The following NBEAL1 variants were observed in gnomAD, a reference collection of about 807,000 sequenced individuals.
NBEAL1 encodes neurobeachin-like protein 1.
Under a neutral mutation model 351.3 loss-of-function variants are expected in NBEAL1, and 273 were observed. The observed-to-expected ratio is 0.78, with a 90% confidence interval of 0.70 to 0.86. NBEAL1 has a LOEUF of 0.86. Among genes scored for constraint, NBEAL1 ranks in the 40% least tolerant of loss-of-function variants. NBEAL1 has a pLI of 0.00. For synonymous variants in NBEAL1, 1,050 were observed against 1,086.4 expected (o/e 0.97, Z 0.66); for missense variants, 2,961 against 3,201.3 (o/e 0.92, Z 1.81).
chr2:203,171,677 G>T (rs952577682), intron 39 of NBEAL1, among the ~76,000 whole-genome samples: 4 of 148,388 alleles, frequency 2.7e-5, no homozygotes, highest in Non-Finnish European at 3.0e-5. Context: ...AAAAGACAAG[G>T]TTTTTTTTTT....
intron 51 of NBEAL1, among the ~76,000 whole-genome samples, chr2:203,204,275 A>T: frequency 6.8e-6 from 1 of 146,852 alleles, no homozygotes. Context: ...TTTTAGTCTT[A>T]CTGAAATTGT....
rs1206699431 is a variant in NBEAL1 at position 203,068,484 on chromosome 2, C to T, written c.598+9C>T. The T allele has an allele frequency of 9.5e-6, 14 of 1,473,540 alleles. No individual in the cohort carries two copies. Among genetic ancestry groups the T allele is most frequent in the Non-Finnish European group, 1.1e-5 (12 of 1,077,636 alleles). The allele number at this position is 1,473,540 out of a possible 1,614,324, so 91.3% of individuals were successfully genotyped here. A position where few individuals can be genotyped will look rare whatever the true frequency, so the allele number is the denominator to read the frequency against. On this transcript the variant is annotated intron_variant, in intron 7 of 55. Transcript: ENST00000683969. ...CGTCCCTTTCTTTTATCGTAAGTAA[C>T]ACCTCTAATTTCTCTTGCTATGATT...
chr2:203,166,248 C>T lies in NBEAL1; in HGVS notation c.5814C>T (p.Ile1938=). The T allele has an allele frequency of 6.2e-7, 1 of 1,611,434 alleles. No homozygotes were observed. Among genetic ancestry groups the T allele is most frequent in the South Asian group, 1.1e-5 (1 of 90,178 alleles). ...IIDVIPGRLE[I]TTQHIYFYDG... is the part of the protein sequence containing the mutation. ...ATGTAATTCCTGGCAGATTAGAAATCACTACTCAACACATTTACTTCTATG... is the reference window on the plus strand; with the variant it reads ...ATGTAATTCCTGGCAGATTAGAAATTACTACTCAACACATTTACTTCTATG... The change falls in exon 37 of 56, where the codon ATC becomes ATT. Residue 1938 remains isoleucine (I), a synonymous_variant. Transcript: ENST00000683969.
chr2:203,109,030 A>C (rs927777668), intron 14 of NBEAL1, among the ~76,000 whole-genome samples: 2 of 152,116 alleles, frequency 1.3e-5, no homozygotes, highest in African/African-American at 4.8e-5. Flanking sequence ...TGACAAAGCA[A>C]GATTGTCTCA....
At chr2:203,164,505 A>G (rs2064070105) in intron 36 of NBEAL1, among the ~76,000 whole-genome samples, 1 of 152,056 alleles carries the variant, frequency 6.6e-6, no homozygotes, top group South Asian at 2.1e-4. Context: ...ACACTGAAGA[A>G]CCAAAATACT....
chr2:203,091,245 C>T (rs1253608515), intron 10 of NBEAL1, among the ~76,000 whole-genome samples: 2 of 152,110 alleles, frequency 1.3e-5, no homozygotes, highest in Non-Finnish European at 2.9e-5. Flanking sequence ...ATTTTTTCTT[C>T]GATGACTGCC....
chr2:203,109,067 T>C (rs1400482191), intron 14 of NBEAL1, among the ~76,000 whole-genome samples: 3 of 151,928 alleles, frequency 2.0e-5, no homozygotes, highest in Non-Finnish European at 4.4e-5. Flanking sequence ...ACTATGAAAA[T>C]GAATAATGGC....
At chr2:203,090,995 A>G (rs72934528) in intron 10 of NBEAL1, among the ~76,000 whole-genome samples, 33 of 152,310 alleles carry the variant, frequency 2.2e-4, no homozygotes, top group Middle Eastern at 3.4e-3. Flanking sequence ...GTTAAAATAT[A>G]TAAAACATAA....
intron 35 of NBEAL1, among the ~76,000 whole-genome samples, chr2:203,156,392 A>G (rs940608621): frequency 1.3e-5 from 2 of 152,144 alleles, no homozygotes; most frequent in African/African-American, 2.4e-5. Context: ...TCCTTCACCA[A>G]TCTTTCATCA....
At chr2:203,028,023 A>C (rs1307632712) in intron 2 of NBEAL1, among the ~76,000 whole-genome samples, 1 of 152,050 alleles carries the variant, frequency 6.6e-6, no homozygotes, top group East Asian at 1.9e-4. Flanking sequence ...AGGTGGGACT[A>C]CAGGCACGTG....
At position 203,167,258 on chromosome 2, in the gene NBEAL1, T is replaced by G; in HGVS notation, c.5895T>G (p.Ser1965=). The G allele has an allele frequency of 1.2e-6, 2 of 1,611,570 alleles. No homozygotes were observed. The highest frequency in any genetic ancestry group is 2.7e-5 in the African/African-American group (2 of 74,956). Residue 1965 remains serine (S), a synonymous_variant, in exon 38 of 56, where the codon TCT becomes TCG. Coordinates refer to ENST00000683969, the MANE Select transcript of NBEAL1 (RefSeq NM_001378026.1). ...GCTTTGATTTCAAGTGGCCTCATTC[T>G]CAAATTCGAGAGATTCATCTCCGGC... The part of the protein sequence containing the change: ...GVGFDFKWPH[S]QIREIHLRRY...
At position 203,222,937 on chromosome 2, in the gene NBEAL1, A is replaced by G. The variant is rs1002757365; in HGVS notation, c.*5583A>G. Among the ~76,000 whole-genome samples the G allele has an allele frequency of 6.6e-6, 1 of 152,206 alleles. No homozygotes were observed. Among genetic ancestry groups the G allele is most frequent in the Non-Finnish European group, 1.5e-5 (1 of 68,022 alleles). The stretch of plus-strand genomic sequence containing the variant: ...TAACATTTAAGATGTTTAATTCCAA[A>G]TAGGAAATAATTCAGTTTTCTGTGT... On this transcript the variant is annotated 3_prime_UTR_variant, in exon 56 of 56. Coordinates refer to ENST00000683969, the MANE Select transcript of NBEAL1 (RefSeq NM_001378026.1).
At chr2:203,206,476 G>A (rs1455289537) in intron 51 of NBEAL1, among the ~76,000 whole-genome samples, 1 of 152,078 alleles carries the variant, frequency 6.6e-6, no homozygotes, top group South Asian at 2.1e-4. Flanking sequence ...GCCAAAGCTG[G>A]ACTGTACTGC....
Position 203,172,778 on chromosome 2 carries a change from A to T in NBEAL1, c.6248A>T (p.Asn2083Ile). 1.2e-6 allele frequency: 2 copies of T among 1,612,592 alleles called. No individual in the cohort carries two copies. The highest frequency in any genetic ancestry group is 1.7e-6 in the Non-Finnish European group (2 of 1,179,130). Residue 2083 changes from asparagine (N) to isoleucine (I), a missense_variant, in exon 41 of 56, where the codon AAC (asparagine) becomes ATC (isoleucine). Asn to Ile is a moderately radical substitution (Grantham distance 149). Transcript: ENST00000683969. ...DYTSEELDLN[N>I]PAVFRDLSKP... is the part of the protein sequence containing the mutation. ...ACTTCGGAAGAGTTGGACCTTAATA[A>T]CCCTGCTGTATTTCGAGATCTTTCC...
intron 11 of NBEAL1, among the ~76,000 whole-genome samples, chr2:203,098,141 A>G (rs1407114116): frequency 6.6e-6 from 1 of 152,208 alleles, no homozygotes; most frequent in Non-Finnish European, 1.5e-5. Context: ...GTATTCTAGA[A>G]ATTCAAGTCT....
At chr2:203,138,966 A>G (rs934666439) in intron 31 of NBEAL1, among the ~76,000 whole-genome samples, 1 of 152,176 alleles carries the variant, frequency 6.6e-6, no homozygotes, top group Non-Finnish European at 1.5e-5. Flanking sequence ...GCTTCCTTTT[A>G]CAGGATTTAT....
At chr2:203,107,364 C>A in intron 12 of NBEAL1, 56 bp from the exon 13 acceptor site, 1 of 807,686 alleles carries the variant, frequency 1.2e-6, no homozygotes, top group Non-Finnish European at 1.9e-6. Context: ...TTTTAATATT[C>A]CAACATATTC....
At chr2:203,143,465 A>C (rs1290879800) in intron 31 of NBEAL1, among the ~76,000 whole-genome samples, 2 of 152,166 alleles carry the variant, frequency 1.3e-5, no homozygotes. Flanking sequence ...TTTTTTGCTC[A>C]TATAGTTTAG....
chr2:203,108,272 G>A (rs1002833216), intron 14 of NBEAL1, 84 bp downstream of exon 14: 19 of 1,080,692 alleles, frequency 1.8e-5, no homozygotes, highest in Middle Eastern at 2.1e-4. Flanking sequence ...CTGTTTCCAA[G>A]CATCTAGCTT....
Sources: allele counts gnomAD v4.1 joint callset (sites outside exome capture counted in the v4.1 genomes callset), GRCh38; gene constraint gnomAD v4.1.1; transcripts MANE v1.5; gene names NCBI Gene and HGNC (gene_info 2026-07-23, HGNC 2026-07-21).